The following COX7B2 variants were observed in gnomAD, a reference collection of about 807,000 sequenced individuals.
The protein encoded by COX7B2 is cytochrome c oxidase subunit 7B2.
For synonymous variants in COX7B2, 37 were observed against 32.1 expected, an observed-to-expected ratio of 1.15 and a Z score of -0.51; for missense variants, 109 against 95.9, an observed-to-expected ratio of 1.14 and a Z score of -0.57.
At chr4:46,746,212 G>T (rs1324511642) in intron 2 of COX7B2, among the ~76,000 whole-genome samples, 2 of 152,162 alleles carry the variant, frequency 1.3e-5, no homozygotes, top group Non-Finnish European at 2.9e-5. Flanking sequence ...TTCATGACTT[G>T]ATGCATGTTG....
chr4:46,816,633 A>T (rs183255748), intron 2 of COX7B2, among the ~76,000 whole-genome samples: 5 of 152,322 alleles, frequency 3.3e-5, no homozygotes, highest in Admixed American at 2.0e-4. Flanking sequence ...TGCTGAAAAT[A>T]TTATTTAATG....
intron 2 of COX7B2, among the ~76,000 whole-genome samples, chr4:46,817,924 C>G (rs555000162): frequency 1.3e-5 from 2 of 152,252 alleles, no homozygotes; most frequent in South Asian, 4.2e-4. Flanking sequence ...ATCTTTGAAC[C>G]TACGCATTTC....
At chr4:46,849,103 A>G (rs1716490991) in intron 1 of COX7B2, among the ~76,000 whole-genome samples, 2 of 152,076 alleles carry the variant, frequency 1.3e-5, no homozygotes, top group Admixed American at 6.6e-5. Context: ...ATTTGAATAC[A>G]TGACTATAAA....
intron 2 of COX7B2, among the ~76,000 whole-genome samples, chr4:46,820,886 T>C (rs2109692969): frequency 6.6e-6 from 1 of 151,086 alleles, no homozygotes; most frequent in East Asian, 1.9e-4. Flanking sequence ...AGGCAGGCAG[T>C]ATACCTCAAA....
chr4:46,775,998 G>A (rs1215509585), intron 2 of COX7B2, among the ~76,000 whole-genome samples: 2 of 152,156 alleles, frequency 1.3e-5, no homozygotes, highest in East Asian at 3.8e-4. Flanking sequence ...TATTTAAACT[G>A]AAGAATATTT....
chr4:46,870,321 GA>G (rs915444965), intron 1 of COX7B2, among the ~76,000 whole-genome samples: 8 of 119,842 alleles, frequency 6.7e-5, no homozygotes, highest in South Asian at 6.4e-4. Flanking sequence ...ACTAGATATT[GA>G]AAAAAAAAAT....
chr4:46,740,259 G>T (rs1320133541), intron 2 of COX7B2, among the ~76,000 whole-genome samples: 1 of 151,996 alleles, frequency 6.6e-6, no homozygotes, highest in Non-Finnish European at 1.5e-5. Context: ...ACAGACATGT[G>T]AAAATAAAAG....
chr4:46,755,378 T>C (rs1715724611), intron 2 of COX7B2, among the ~76,000 whole-genome samples: 1 of 152,014 alleles, frequency 6.6e-6, no homozygotes, highest in Non-Finnish European at 1.5e-5. Flanking sequence ...TGATGATTTC[T>C]AATTCCCTCT....
intron 2 of COX7B2, among the ~76,000 whole-genome samples, chr4:46,836,269 T>A (rs1486697600): frequency 6.6e-6 from 1 of 152,200 alleles, no homozygotes; most frequent in African/African-American, 2.4e-5. Flanking sequence ...TGTGATAATA[T>A]TTAGCTCAAA....
At chr4:46,899,832 G>A (rs1248041765) in intron 1 of COX7B2, among the ~76,000 whole-genome samples, 1 of 152,098 alleles carries the variant, frequency 6.6e-6, no homozygotes. Context: ...CATTTGTAGA[G>A]TACTTGCTAT....
intron 2 of COX7B2, among the ~76,000 whole-genome samples, chr4:46,826,554 T>C (rs1714704321): frequency 1.3e-5 from 2 of 152,064 alleles, no homozygotes; most frequent in African/African-American, 4.8e-5. Flanking sequence ...AAAAAACACA[T>C]GCACGCGAAT....
At chr4:46,872,113 T>C (rs1426883357) in intron 1 of COX7B2, among the ~76,000 whole-genome samples, 1 of 152,056 alleles carries the variant, frequency 6.6e-6, no homozygotes, top group Non-Finnish European at 1.5e-5. Flanking sequence ...AACTGTGGTA[T>C]ATATACACCA....
intron 1 of COX7B2, among the ~76,000 whole-genome samples, chr4:46,881,939 A>G (rs1718773573): frequency 1.3e-5 from 2 of 152,150 alleles, no homozygotes; most frequent in Admixed American, 1.3e-4. Context: ...CTTTAGTGCT[A>G]TGAATTTCCC....
intron 1 of COX7B2, among the ~76,000 whole-genome samples, chr4:46,871,224 C>T (rs1349949631): frequency 6.6e-6 from 1 of 152,096 alleles, no homozygotes; most frequent in Non-Finnish European, 1.5e-5. Flanking sequence ...ACAAACCTGA[C>T]AAAAACAAGC....
intron 1 of COX7B2, among the ~76,000 whole-genome samples, chr4:46,859,373 T>G (rs1717206647): frequency 2.6e-5 from 4 of 152,142 alleles, no homozygotes; most frequent in African/African-American, 9.7e-5. Flanking sequence ...ATTTTAGGGG[T>G]CAGATACCTA....
chr4:46,785,375 A>ATT (rs879697478), intron 2 of COX7B2, among the ~76,000 whole-genome samples: 29 of 143,562 alleles, frequency 2.0e-4, no homozygotes, highest in African/African-American at 4.8e-4. Flanking sequence ...TGATAGAGCA[A>ATT]TTTTTTTTTT....
At chr4:46,811,141 T>C (rs936347598) in intron 2 of COX7B2, among the ~76,000 whole-genome samples, 1 of 152,168 alleles carries the variant, frequency 6.6e-6, no homozygotes, top group Non-Finnish European at 1.5e-5. Flanking sequence ...TCTCTTTGGG[T>C]TGAATATATT....
chr4:46,820,900 T>C (rs1036363750), intron 2 of COX7B2, among the ~76,000 whole-genome samples: 5 of 151,114 alleles, frequency 3.3e-5, no homozygotes, highest in African/African-American at 1.2e-4. Context: ...CCTCAAAAAG[T>C]AATCCAATCT....
chr4:46,780,313 C>T (rs552483131), intron 2 of COX7B2, among the ~76,000 whole-genome samples: 82 of 152,146 alleles, frequency 5.4e-4, no homozygotes, highest in African/African-American at 1.8e-3. Context: ...GTCAGGAGAT[C>T]GAGACCATCC....
Sources: gnomAD v4.1 joint callset for allele counts (sites outside exome capture counted in the v4.1 genomes callset) on GRCh38, gnomAD v4.1.1 for gene constraint, MANE v1.5 for transcripts, NCBI Gene and HGNC (gene_info 2026-07-23, HGNC 2026-07-21) for gene names.